Variants in TENT5D observed in about 807,000 individuals in gnomAD.
TENT5D encodes terminal nucleotidyltransferase 5D.
For missense variants in TENT5D, 191 were observed against 287.0 expected (o/e 0.67, Z 2.42); for synonymous variants, 103 against 100.6 (o/e 1.02, Z -0.15).
At chrX:80,342,593 A>AT (rs1243050091) in intron 3 of TENT5D, 1 of 112,554 alleles carries the variant, frequency 8.9e-6, no homozygotes, top group Non-Finnish European at 1.9e-5. Context: ...AGAGAAATAA[A>AT]TTTTTAAATT....
intron 3 of TENT5D, among the ~76,000 whole-genome samples, chrX:80,394,854 A>G (rs927219643): frequency 9.0e-6 from 1 of 111,626 alleles, no homozygotes; most frequent in Non-Finnish European, 1.9e-5. Context: ...AAATTTTATC[A>G]TGTCTTTGTA....
At chrX:80,341,051 A>G (rs1463032483) in intron 2 of TENT5D, among the ~76,000 whole-genome samples, 1 of 111,927 alleles carries the variant, frequency 8.9e-6, no homozygotes, top group Non-Finnish European at 1.9e-5. Context: ...TAAAGTTGGT[A>G]AAATATGAAT....
At chrX:80,372,056 C>G (rs1420098076) in intron 3 of TENT5D, among the ~76,000 whole-genome samples, 1 of 111,379 alleles carries the variant, frequency 9.0e-6, no homozygotes, top group East Asian at 2.8e-4. Context: ...AGCAAATTCC[C>G]TGAAGTTTAA....
At chrX:80,389,337 A>G (rs907188454) in intron 3 of TENT5D, among the ~76,000 whole-genome samples, 9 of 112,227 alleles carry the variant, frequency 8.0e-5, no homozygotes, top group African/African-American at 2.6e-4. Flanking sequence ...TTCTGTAAGC[A>G]TTAATTTGAG....
exon 3 of TENT5D, chrX:80,445,038 A>G (rs1027042116): frequency 2.0e-4 from 25 of 122,357 alleles, no homozygotes; most frequent in African/African-American, 8.1e-4. Flanking sequence ...CACGTTTTCT[A>G]TCACAACATG....
At chrX:80,410,132 T>TA (rs1271373138) in intron 3 of TENT5D, among the ~76,000 whole-genome samples, 2 of 105,400 alleles carry the variant, frequency 1.9e-5, no homozygotes, top group African/African-American at 6.9e-5. Flanking sequence ...CCTAAAACCA[T>TA]AAAAACCCTA....
intron 1 of TENT5D, among the ~76,000 whole-genome samples, chrX:80,422,616 G>A (rs949536314): frequency 7.2e-5 from 8 of 111,776 alleles, no homozygotes; most frequent in African/African-American, 2.6e-4. Context: ...GAGAGCAGCA[G>A]TTGGTGAGGT....
intron 2 of TENT5D, among the ~76,000 whole-genome samples, chrX:80,336,842 T>C (rs1192546649): frequency 8.9e-6 from 1 of 112,316 alleles, no homozygotes; most frequent in Non-Finnish European, 1.9e-5. Context: ...AGTTTTTTAG[T>C]AAAATTAAAA....
At chrX:80,344,585 G>T (rs1930025271) in intron 3 of TENT5D, among the ~76,000 whole-genome samples, 1 of 109,265 alleles carries the variant, frequency 9.2e-6, no homozygotes, top group African/African-American at 3.3e-5. Context: ...TATGCTTGTT[G>T]ATCATATATG....
At chrX:80,423,546 A>G (rs1265420616) in intron 1 of TENT5D, among the ~76,000 whole-genome samples, 1 of 110,560 alleles carries the variant, frequency 9.0e-6, no homozygotes, top group Non-Finnish European at 1.9e-5. Context: ...GGGACCAATC[A>G]GGAGCTGAAG....
At chrX:80,429,469 ATTT>A (rs774905381) in intron 1 of TENT5D, among the ~76,000 whole-genome samples, 1 of 102,648 alleles carries the variant, frequency 9.7e-6, no homozygotes, top group Admixed American at 1.0e-4. Context: ...CGCCCAGCTA[ATTT>A]TTTTTTTTTT....
intron 3 of TENT5D, among the ~76,000 whole-genome samples, chrX:80,360,319 G>T (rs961997475): frequency 9.0e-6 from 1 of 111,313 alleles, no homozygotes; most frequent in Non-Finnish European, 1.9e-5. Flanking sequence ...AACTTTTTTT[G>T]GATGAGATGT....
In TENT5D at chrX:80,339,393, T is replaced by A. The variant is rs989733990; in HGVS notation, c.-206-3107T>A. 6.3e-5 allele frequency among the ~76,000 whole-genome samples: 7 copies of A among 111,547 alleles called. No homozygotes were observed. The East Asian group carries it at 1.4e-3, about 22-fold the overall frequency. On this transcript the variant is annotated intron_variant, in intron 2 of 4. Coordinates refer to the TENT5D transcript ENST00000538312. ...CGAAACTGAGGGTCTTTCCTACTTA[T>A]AATAGAAAAACTGTTTTTTCCCCCT...
chrX:80,346,194 G>T (rs1484919109), intron 3 of TENT5D, among the ~76,000 whole-genome samples: 4 of 111,648 alleles, frequency 3.6e-5, no homozygotes, highest in African/African-American at 1.3e-4. Context: ...GTGGTTCACT[G>T]TATAAAAAGT....
rs770172354 is a variant in TENT5D, at chrX:80,400,317, G to A, written c.-141-38293G>A. Among the ~76,000 whole-genome samples the A allele has an allele frequency of 2.7e-5, 3 of 111,565 alleles. No homozygotes were observed. In the South Asian group the frequency reaches 1.1e-3, roughly 43 times the overall value. Reference sequence around the variant, plus strand: ...GCCTATTGAATTGTGCCTACCAACAGTGAGGACAGATGTTCACTAAGGACA... The same window carrying A: ...GCCTATTGAATTGTGCCTACCAACAATGAGGACAGATGTTCACTAAGGACA... On this transcript the variant is annotated intron_variant, in intron 3 of 4. Coordinates refer to the TENT5D transcript ENST00000538312.
chrX:80,395,498 C>A (rs985019757), intron 3 of TENT5D, among the ~76,000 whole-genome samples: 6 of 111,638 alleles, frequency 5.4e-5, no homozygotes, highest in Non-Finnish European at 9.4e-5. Flanking sequence ...TGTGTGTTTC[C>A]TTTTCTCCAC....
chrX:80,425,522 G>A (rs1435740614), intron 1 of TENT5D, among the ~76,000 whole-genome samples: 2 of 112,144 alleles, frequency 1.8e-5, no homozygotes, highest in East Asian at 5.6e-4. Flanking sequence ...TTACAGCTGA[G>A]TTTAAAACAT....
intron 3 of TENT5D, among the ~76,000 whole-genome samples, chrX:80,411,476 A>C (rs1931665189): frequency 8.9e-6 from 1 of 111,891 alleles, no homozygotes; most frequent in South Asian, 3.7e-4. Context: ...TTACCGTACA[A>C]GATTTTTTTC....
chrX:80,352,984 C>T (rs1199580016), intron 3 of TENT5D, among the ~76,000 whole-genome samples: 1 of 111,398 alleles, frequency 9.0e-6, no homozygotes, highest in African/African-American at 3.3e-5. Flanking sequence ...CCTGCTTCTG[C>T]TTACCCTCCG....
Sources: gnomAD v4.1 joint callset for allele counts (sites outside exome capture counted in the v4.1 genomes callset) on GRCh38, gnomAD v4.1.1 for gene constraint, MANE v1.5 for transcripts, NCBI Gene and HGNC (gene_info 2026-07-23, HGNC 2026-07-21) for gene names.